Variants in TTN observed in about 807,000 individuals in gnomAD.
The protein encoded by TTN is titin, also known as connectin.
TTN carries 1,525 observed loss-of-function variants against 3,223.0 expected under a neutral mutation model. The observed-to-expected ratio is 0.47, with a 90% CI of 0.45 to 0.49. The LOEUF (loss-of-function observed/expected upper bound fraction) is 0.49. Ranked by LOEUF, TTN falls within the 20% of genes least tolerant of loss-of-function variation. The probability of loss-of-function intolerance (pLI) is 0.00; values close to 1 mark genes in which losing one functional copy is unlikely to be tolerated. For missense variants in TTN, 40,786 were observed against 43,424.0 expected (o/e 0.94, Z 5.40); for synonymous variants, 14,094 against 15,161.0 (o/e 0.93, Z 5.17).
At position 178,739,280 on chromosome 2, in the gene TTN, C is replaced by T. The variant is rs768555492; in HGVS notation, c.13953G>A (p.Lys4651=). 2 of 1,612,668 alleles carry T rather than the reference C, an allele frequency of 1.2e-6. No homozygotes were observed. Among genetic ancestry groups the T allele is most frequent in the Non-Finnish European group, 1.7e-6 (2 of 1,179,044 alleles). Residue 4651 remains lysine (K), a synonymous_variant, in exon 48 of 363, where the codon AAG becomes AAA. Coordinates refer to ENST00000589042, the MANE Select transcript of TTN (RefSeq NM_001267550.2). ...NKLVPSDEKF[K]CLQDQNTYTL... is the part of the protein sequence containing the mutation. ...TATATGTATTTTGATCTTGTAAACACTTGAACTTTTCATCTGAAGGCACCA... is the reference window on the plus strand; with the variant it reads ...TATATGTATTTTGATCTTGTAAACATTTGAACTTTTCATCTGAAGGCACCA...
chr2:178,680,998 C>T, intron 138 of TTN, 81 bp downstream of exon 138: 1 of 1,222,568 alleles, frequency 8.2e-7, no homozygotes, highest in South Asian at 1.5e-5. Context: ...CATGAAACAA[C>T]AAAATGAAAT....
At chr2:178,752,092 G>T in intron 47 of TTN, 1 of 1,522,810 alleles carries the variant, frequency 6.6e-7, no homozygotes, top group Non-Finnish European at 8.9e-7. Context: ...TGAAAAAGTT[G>T]AAAGTAAATA....
chr2:178,789,560 C>T, intron 12 of TTN, 63 bp from the exon 13 acceptor site: 5 of 1,599,684 alleles, frequency 3.1e-6, no homozygotes, highest in Middle Eastern at 1.7e-4. Flanking sequence ...ATAGTATGAC[C>T]CTTCCCCCTT....
Position 178,773,242 on chromosome 2 carries a change from G to T in TTN, c.7722C>A (p.Pro2574=). ...GTGCTTCAATTTTATATTTAGAACT[G>T]GGCTTGATTTCCTTGTCCTTAAAAT... ...LWNFKDKEIK[P]SSKYKIEAHG... The change falls in exon 33 of 363, where the codon CCC becomes CCA. Residue 2574 remains proline (P), a synonymous_variant. Coordinates refer to ENST00000589042, the MANE Select transcript of TTN (RefSeq NM_001267550.2). 6.2e-7 allele frequency: 1 copy of T among 1,613,730 alleles called. No individual in the cohort carries two copies. The highest frequency in any genetic ancestry group is 8.5e-7 in the Non-Finnish European group (1 of 1,179,924).
In TTN at chr2:178,563,875, C is replaced by T; in HGVS notation, c.82257G>A (p.Gln27419=). Residue 27419 remains glutamine, a synonymous_variant, in exon 326 of 363, where the codon CAG becomes CAA. Transcript: ENST00000589042. The surrounding 1 kb of genome is among the most constrained non-coding windows in gnomAD (Gnocchi z 4.5). ...KRETSRLSWT[Q]VSTEVQALNY... ...TAAGGGCCTGTACCTCAGTTGAAAC[C>T]TGGGTCCAAGAGAGTCGGCTTGTCT... is the stretch of plus-strand genomic sequence containing the variant. 1 of 1,613,716 alleles carries T rather than the reference C, an allele frequency of 6.2e-7. No individual in the cohort carries two copies. Among genetic ancestry groups the T allele is most frequent in the South Asian group, 1.1e-5 (1 of 91,078 alleles).
rs1173826868 is a variant in TTN at position 178,565,318 on chromosome 2, G to A, written c.80814C>T (p.His26938=). 1.9e-6 allele frequency: 3 copies of A among 1,613,578 alleles called. No homozygotes were observed. Among genetic ancestry groups the A allele is most frequent in the South Asian group, 2.2e-5 (2 of 91,064 alleles). The change falls in exon 326 of 363, where the codon CAC becomes CAT. Residue 26938 remains histidine (H), a synonymous_variant. Coordinates refer to ENST00000589042, the MANE Select transcript of TTN (RefSeq NM_001267550.2). ...VEETATSTVL[H]IKEGNKDDFG... ...AGTCATCTTTGTTACCTTCTTTAAT[G>A]TGCAAAACAGTTGAGGTAGCTGTTT...
chr2:178,736,264 G>A (rs2081419806), intron 49 of TTN, among the ~76,000 whole-genome samples, 190 bp from the exon 50 acceptor site: 1 of 152,108 alleles, frequency 6.6e-6, no homozygotes, highest in Non-Finnish European at 1.5e-5. Flanking sequence ...CTTTATAAGG[G>A]AGCAAGACAT....
At chr2:178,686,743 G>C (rs2071033764) in intron 127 of TTN, among the ~76,000 whole-genome samples, 1 of 152,154 alleles carries the variant, frequency 6.6e-6, no homozygotes, top group Non-Finnish European at 1.5e-5. Flanking sequence ...GAAGTGTCTG[G>C]TTAAAAACAT....
At chr2:178,646,284 A>G (rs996807571) in intron 216 of TTN, among the ~76,000 whole-genome samples, 1 of 151,298 alleles carries the variant, frequency 6.6e-6, no homozygotes, top group Non-Finnish European at 1.5e-5. Flanking sequence ...CAACAAACAA[A>G]GCATCCAGAC....
At chr2:178,749,882 C>T (rs1429285189) in intron 47 of TTN, 5 of 1,613,130 alleles carry the variant, frequency 3.1e-6, no homozygotes, top group Non-Finnish European at 4.2e-6. Context: ...GATGGAATCC[C>T]CTTCTCTACA....
rs755846036 is a variant in TTN at position 178,663,719 on chromosome 2, A to G, written c.36449-9T>C. On this transcript the variant is annotated splice_polypyrimidine_tract_variant and intron_variant, in intron 170 of 362. Transcript: ENST00000589042. ...TTTGGGAGGCTCTGGTACTTAAAAG[A>G]TATTAGCAAAATTACATTCAGAAGT... The G allele has an allele frequency of 6.2e-7, 1 of 1,612,876 alleles. No individual in the cohort carries two copies. Among genetic ancestry groups the G allele is most frequent in the Non-Finnish European group, 8.5e-7 (1 of 1,179,616 alleles).
At chr2:178,724,767 C>T (rs897586552) in intron 71 of TTN, 13 of 387,038 alleles carry the variant, frequency 3.4e-5, no homozygotes, top group African/African-American at 2.7e-4. Context: ...TTTCCCACCA[C>T]TCTTGCTGTC....
In TTN at chr2:178,588,658, T is replaced by C; in HGVS notation, c.63067A>G (p.Met21023Val). Residue 21023 changes from methionine to valine, a missense_variant, in exon 304 of 363, where the codon ATG (methionine) becomes GTG (valine). Met to Val is a conservative substitution (Grantham distance 21). Coordinates refer to ENST00000589042, the MANE Select transcript of TTN (RefSeq NM_001267550.2). ...TCTGGGAGGAGATTCTGTACTTTCA[T>C]ACGTCTCTCAGGGATTGCACTCTTG... ...VNKSAIPERR[M>V]KVQNLLPDHE... is the part of the protein sequence containing the mutation. 6.2e-7 allele frequency: 1 copy of C among 1,611,594 alleles called. No homozygotes were observed. The highest frequency in any genetic ancestry group is 1.1e-5 in the South Asian group (1 of 90,538).
intron 124 of TTN, 44 bp from the exon 125 acceptor site, chr2:178,689,180 T>C (rs765269250): frequency 1.3e-5 from 21 of 1,593,108 alleles, no homozygotes; most frequent in African/African-American, 1.2e-4. Flanking sequence ...TGTGATCTCA[T>C]TGAAGCCCAG....
rs746548465 is a variant in TTN at position 178,527,509 on chromosome 2, C to G, written c.107617G>C (p.Gly35873Arg). Residue 35873 changes from glycine to arginine, a missense_variant, in exon 362 of 363, where the codon GGA becomes CGA. Coordinates refer to ENST00000589042, the MANE Select transcript of TTN (RefSeq NM_001267550.2). ...FVEMSSSSFM[G>R]ISNMTQLESS... ...TCCAGTTGTGTCATATTAGATATTC[C>G]CATAAAGCTGCTGGAACTCATTTCT... The G allele has an allele frequency of 3.1e-6, 5 of 1,613,940 alleles. No homozygotes were observed. In the South Asian group the frequency reaches 5.5e-5, roughly 18 times the overall value.
Position 178,559,785 on chromosome 2 carries a change from C to CTTG in TTN, c.86346_86347insCAA (p.Pro28782_Val28783insGln). 1 of 1,606,556 alleles carries CTTG rather than the reference C, an allele frequency of 6.2e-7. No individual in the cohort carries two copies. Among genetic ancestry groups the CTTG allele is most frequent in the Non-Finnish European group, 8.5e-7 (1 of 1,176,898 alleles). On this transcript the variant is annotated inframe_insertion, in exon 326 of 363. Transcript: ENST00000589042. ...GGCTTACTCCACAAGACATTGGGTA[C>CTTG]TGGTCTTCCTCGGAAAGGCACAGTC...
At chr2:178,782,158 T>G in intron 20 of TTN, 54 bp downstream of exon 20, 1 of 1,599,740 alleles carries the variant, frequency 6.3e-7, no homozygotes, top group Non-Finnish European at 8.6e-7. Context: ...ACTCTAGGCT[T>G]CATGCACGTA....
intron 243 of TTN, 58 bp downstream of exon 243, chr2:178,622,612 C>T (rs972069805): frequency 2.1e-6 from 3 of 1,437,542 alleles, no homozygotes; most frequent in African/African-American, 1.4e-5. Context: ...TTTGGCTAGA[C>T]CAAAAGTAAA....
rs773225442 is a variant in TTN at position 178,718,523 on chromosome 2, T to C, written c.24583A>G (p.Thr8195Ala). The C allele has an allele frequency of 6.2e-7, 1 of 1,613,696 alleles. No homozygotes were observed. Among genetic ancestry groups the C allele is most frequent in the Non-Finnish European group, 8.5e-7 (1 of 1,179,738 alleles). Residue 8195 changes from threonine to alanine, a missense_variant, in exon 85 of 363, where the codon ACT becomes GCT. Coordinates refer to ENST00000589042, the MANE Select transcript of TTN (RefSeq NM_001267550.2). Reference protein sequence around the residue: ...GSPIVLEATYTGTPPISVSWI... With the variant: ...GSPIVLEATYAGTPPISVSWI... ...CTCACTGAGATTGGAGGTGTGCCAG[T>C]GTATGTGGCCTCGAGAACTATGGGG... is the stretch of plus-strand genomic sequence containing the variant.
Sources: gnomAD v4.1 joint callset for allele counts (sites outside exome capture counted in the v4.1 genomes callset) on GRCh38, gnomAD v4.1.1 for gene constraint, Gnocchi (gnomAD v3.1) non-coding constraint, MANE v1.5 for transcripts, NCBI Gene and HGNC (gene_info 2026-07-23, HGNC 2026-07-21) for gene names.